LDHAL6A: variants seen among roughly 807,000 people sequenced by gnomAD.
LDHAL6A encodes the protein lactate dehydrogenase A like 6A.
Under a neutral mutation model 28.2 loss-of-function variants are expected in LDHAL6A, and 19 were observed. The observed-to-expected ratio is 0.67, with a 90% CI of 0.47 to 0.99. The LOEUF (loss-of-function observed/expected upper bound fraction) is 0.99. Ranked by LOEUF, LDHAL6A falls within the 50% of genes least tolerant of loss-of-function variation. The probability of loss-of-function intolerance (pLI) is 0.00; values close to 1 mark genes in which losing one functional copy is unlikely to be tolerated. For synonymous variants in LDHAL6A, 144 were observed against 134.4 expected, an observed-to-expected ratio of 1.07 and a Z score of -0.49; for missense variants, 372 against 398.6, an observed-to-expected ratio of 0.93 and a Z score of 0.57.
At position 18,465,644 on chromosome 11, in the gene LDHAL6A, G is replaced by T; in HGVS notation, c.252G>T (p.Leu84=). The change falls in exon 3 of 7, where the codon CTG becomes CTT. Residue 84 remains leucine (L), a synonymous_variant. Coordinates refer to ENST00000280706, the MANE Select transcript of LDHAL6A (RefSeq NM_144972.5). ...ATTCTAATCTTTCCTCAGATTACCT[G>T]GTCACTGCAAACTCCAATCTAGTGA... is the stretch of plus-strand genomic sequence containing the variant. ...MPNIVSSKDY[L]VTANSNLVII... The T allele has an allele frequency of 6.2e-7, 1 of 1,611,538 alleles. No individual in the cohort carries two copies. The highest frequency in any genetic ancestry group is 8.5e-7 in the Non-Finnish European group (1 of 1,178,970).
chr11:18,475,608 G>T lies in LDHAL6A; in HGVS notation c.561G>T (p.Gly187=). The T allele has an allele frequency of 6.2e-7, 1 of 1,614,104 alleles. No homozygotes were observed. Among genetic ancestry groups the T allele is most frequent in the Non-Finnish European group, 8.5e-7 (1 of 1,180,004 alleles). Residue 187 remains glycine (G), a synonymous_variant, in exon 4 of 7, where the codon GGG becomes GGT. Transcript: ENST00000280706. ...RLGIHSESCH[G]LILGEHGDSS... The stretch of plus-strand genomic sequence containing the variant: ...GCATCCACTCTGAAAGCTGTCATGG[G>T]CTGATCCTTGGAGAGCATGGCGACT...
intron 1 of LDHAL6A, among the ~76,000 whole-genome samples, chr11:18,461,675 C>A (rs570113207): frequency 1.3e-5 from 2 of 151,222 alleles, no homozygotes; most frequent in African/African-American, 4.9e-5. Flanking sequence ...ATGGTGAAAC[C>A]CCGTCTCTAC....
At position 18,465,767 on chromosome 11, in the gene LDHAL6A, C is replaced by G. The variant is rs985979746; in HGVS notation, c.375C>G (p.Thr125=). ...TTAAATTAATGATTCCCAATATTAC[C>G]CAGTACAGTCCTCACTGCAAACTGC... is the stretch of plus-strand genomic sequence containing the variant. ...SIFKLMIPNI[T]QYSPHCKLLI... Residue 125 remains threonine (T), a synonymous_variant, in exon 3 of 7, where the codon ACC becomes ACG. Transcript: ENST00000280706. 1 of 1,613,228 alleles carries G rather than the reference C, an allele frequency of 6.2e-7. No homozygotes were observed. Among genetic ancestry groups the G allele is most frequent in the Non-Finnish European group, 8.5e-7 (1 of 1,179,578 alleles).
intron 3 of LDHAL6A, among the ~76,000 whole-genome samples, chr11:18,474,864 G>A (rs888531940): frequency 3.9e-5 from 6 of 152,140 alleles, no homozygotes; most frequent in African/African-American, 1.4e-4. Context: ...ACTATTCAAT[G>A]CTCTTTGCTT....
chr11:18,472,451 ACT>A (rs1215314558), intron 3 of LDHAL6A, among the ~76,000 whole-genome samples: 3 of 152,198 alleles, frequency 2.0e-5, no homozygotes, highest in African/African-American at 4.8e-5. Flanking sequence ...TTTAGAAAAC[ACT>A]GTTTCAGAGG....
chr11:18,476,337 C>G, intron 4 of LDHAL6A, 47 bp from the exon 5 acceptor site: 1 of 1,590,220 alleles, frequency 6.3e-7, no homozygotes, highest in Non-Finnish European at 8.5e-7. Flanking sequence ...AACCAAAACC[C>G]TGCTAATACC....
At chr11:18,472,562 A>G (rs1171981620) in intron 3 of LDHAL6A, among the ~76,000 whole-genome samples, 4 of 152,234 alleles carry the variant, frequency 2.6e-5, no homozygotes, top group African/African-American at 9.6e-5. Context: ...AAAAAGACAA[A>G]TTAGAAATTA....
intron 5 of LDHAL6A, among the ~76,000 whole-genome samples, chr11:18,476,984 T>G (rs1045405405): frequency 2.0e-5 from 3 of 147,550 alleles, no homozygotes; most frequent in Non-Finnish European, 3.0e-5. Context: ...TGCTGAGGTG[T>G]GGGAGGATCA....
Position 18,467,878 on chromosome 11 carries a change from C to CATATAT in LDHAL6A, c.418+2069_418+2070insTATATA, listed in dbSNP as rs1341771007. Among the ~76,000 whole-genome samples the CATATAT allele has an allele frequency of 3.9e-4, 14 of 36,326 alleles. 1 individual carries two copies. Among genetic ancestry groups the CATATAT allele is most frequent in the East Asian group, 2.3e-3 (2 of 862 alleles). 23.8% of individuals were successfully genotyped at this position (36,326 alleles called of 152,430 possible). On this transcript the variant is annotated intron_variant, in intron 3 of 6. Coordinates refer to ENST00000280706, the MANE Select transcript of LDHAL6A (RefSeq NM_144972.5). ...CTCAAAAAAAATATATATATATACA[C>CATATAT]ACATATATATATATATATATATATA...
rs1565067259 is a variant in LDHAL6A, at chr11:18,462,646, AC to A, written c.127-1314del. Among the ~76,000 whole-genome samples the A allele has an allele frequency of 3.1e-3, 215 of 69,414 alleles. 10 individuals are homozygous for A. Among genetic ancestry groups the A allele is most frequent in the African/African-American group, 0.014 (151 of 10,850 alleles). The allele number at this position is 69,414 out of a possible 152,430, so 45.5% of individuals were successfully genotyped here. On this transcript the variant is annotated intron_variant, in intron 1 of 6. Coordinates refer to ENST00000280706, the MANE Select transcript of LDHAL6A (RefSeq NM_144972.5). ...AGCAAGACTCTGTCTCAAAAAACAA[AC>A]AAACAAACAAAAAAAAAAACAAAAA...
At chr11:18,462,937 G>A (rs1848963896) in intron 1 of LDHAL6A, among the ~76,000 whole-genome samples, 1 of 136,168 alleles carries the variant, frequency 7.3e-6, no homozygotes, top group Admixed American at 7.9e-5. Flanking sequence ...ATTTGAATCA[G>A]TTTCTTGTAT....
intron 3 of LDHAL6A, among the ~76,000 whole-genome samples, chr11:18,470,876 G>A (rs919535749): frequency 6.6e-6 from 1 of 151,792 alleles, no homozygotes; most frequent in Admixed American, 6.6e-5. Context: ...TAGTAGAGAC[G>A]GGGTTTCACC....
intron 3 of LDHAL6A, among the ~76,000 whole-genome samples, chr11:18,471,795 G>C (rs1001804126): frequency 1.5e-5 from 2 of 135,422 alleles, no homozygotes; most frequent in African/African-American, 5.3e-5. Flanking sequence ...TTTTCCAAAA[G>C]AACAAAAATC....
chr11:18,457,244 T>A (rs1848783692), intron 1 of LDHAL6A, among the ~76,000 whole-genome samples: 1 of 152,210 alleles, frequency 6.6e-6, no homozygotes, highest in East Asian at 1.9e-4. Context: ...TTATTTCCCT[T>A]CGTTCCTTAT....
rs1053530743 is a variant in LDHAL6A, at chr11:18,477,607, C to T, written c.711-13C>T. The T allele has an allele frequency of 3.8e-6, 6 of 1,589,294 alleles. No individual in the cohort carries two copies. In the Admixed American group the frequency reaches 1.1e-4, roughly 29 times the overall value. On this transcript the variant is annotated splice_polypyrimidine_tract_variant and intron_variant, in intron 5 of 6. Coordinates refer to ENST00000280706, the MANE Select transcript of LDHAL6A (RefSeq NM_144972.5). ...GCATCTTAACTTATGTTTATGGTTT[C>T]TTCTATCTACAGTGGCTATGAGATG...
chr11:18,463,876 T>C lies in LDHAL6A; in HGVS notation c.127-85T>C, dbSNP rs1275140049. Reference sequence around the variant, plus strand: ...ATTTTGATAATTCACAAGCTAGACATAGATCACCAATATAAGAATTTTCTT... The same window carrying C: ...ATTTTGATAATTCACAAGCTAGACACAGATCACCAATATAAGAATTTTCTT... On this transcript the variant is annotated intron_variant, in intron 1 of 6. Coordinates refer to ENST00000280706, the MANE Select transcript of LDHAL6A (RefSeq NM_144972.5). 3.0e-5 allele frequency: 24 copies of C among 813,114 alleles called. No individual in the cohort carries two copies. The Admixed American group carries it at 4.1e-4, about 14-fold the overall frequency. The allele number at this position is 813,114 out of a possible 1,614,324, so 50.4% of individuals were successfully genotyped here.
At chr11:18,463,046 G>A (rs1249531857) in intron 1 of LDHAL6A, among the ~76,000 whole-genome samples, 1 of 151,676 alleles carries the variant, frequency 6.6e-6, no homozygotes, top group African/African-American at 2.4e-5. Flanking sequence ...GATTTCTGTA[G>A]GTAATAACTG....
Position 18,477,851 on chromosome 11 carries a change from C to T in LDHAL6A, c.834+108C>T, listed in dbSNP as rs1670145684. 9 of 977,812 alleles carry T rather than the reference C, an allele frequency of 9.2e-6. No individual in the cohort carries two copies. The South Asian group carries it at 1.6e-4, about 17-fold the overall frequency. 60.6% of individuals were successfully genotyped at this position (977,812 alleles called of 1,614,324 possible). On this transcript the variant is annotated intron_variant, in intron 6 of 6. Transcript: ENST00000280706. The stretch of plus-strand genomic sequence containing the variant: ...GTTTGATCTCGTGGGAAGCACCTCT[C>T]TTCCTGAAGTCTGTTCTTTGCTGCT...
rs199684689 is a variant in LDHAL6A, at chr11:18,477,760, C to G, written c.834+17C>G. Reference sequence around the variant, plus strand: ...CTAAGTAAGGTAGGACATTCATGTTCGAAAAATCATTAACTCAACATAAAA... The same window carrying G: ...CTAAGTAAGGTAGGACATTCATGTTGGAAAAATCATTAACTCAACATAAAA... On this transcript the variant is annotated intron_variant, in intron 6 of 6. Coordinates refer to ENST00000280706, the MANE Select transcript of LDHAL6A (RefSeq NM_144972.5). 9 of 1,576,812 alleles carry G rather than the reference C, an allele frequency of 5.7e-6. No homozygotes were observed. The highest frequency in any genetic ancestry group is 7.7e-6 in the Non-Finnish European group (9 of 1,165,418).
Sources: gnomAD v4.1 joint callset for allele counts (sites outside exome capture counted in the v4.1 genomes callset) on GRCh38, gnomAD v4.1.1 for gene constraint, MANE v1.5 for transcripts, NCBI Gene and HGNC (gene_info 2026-07-23, HGNC 2026-07-21) for gene names.